The following PDLIM5 variants were observed in gnomAD, a reference collection of about 807,000 sequenced individuals.
PDLIM5 encodes the protein PDZ and LIM domain protein 5.
PDLIM5 carries 34 observed loss-of-function variants against 64.2 expected under a neutral mutation model. That is an observed-to-expected ratio of 0.53 (90% CI 0.40 to 0.71). PDLIM5 has a LOEUF of 0.71. PDLIM5 is among the 30% of genes least tolerant of loss of function. The pLI is 0.00. For synonymous variants in PDLIM5, 253 were observed against 269.1 expected, an observed-to-expected ratio of 0.94 and a Z score of 0.59; for missense variants, 683 against 733.6, an observed-to-expected ratio of 0.93 and a Z score of 0.80.
At chr4:94,555,748 ATAGG>A (rs1733242731) in intron 3 of PDLIM5, among the ~76,000 whole-genome samples, 1 of 152,042 alleles carries the variant, frequency 6.6e-6, no homozygotes, top group Non-Finnish European at 1.5e-5. Context: ...ACTACAAGGT[ATAGG>A]TATAGGGTAA....
chr4:94,525,438 T>TAA (rs34875545), intron 3 of PDLIM5, among the ~76,000 whole-genome samples: 3 of 150,812 alleles, frequency 2.0e-5, no homozygotes, highest in East Asian at 1.9e-4. Flanking sequence ...AAAAAAATAT[T>TAA]AAAAAAAAAG....
intron 2 of PDLIM5, among the ~76,000 whole-genome samples, chr4:94,499,235 G>A (rs1176738624): frequency 1.3e-5 from 2 of 151,938 alleles, no homozygotes; most frequent in Admixed American, 1.3e-4. Context: ...AATAACCACA[G>A]GTCTTTATTT....
chr4:94,462,217 C>T (rs906162177), intron 2 of PDLIM5, among the ~76,000 whole-genome samples: 3 of 152,200 alleles, frequency 2.0e-5, no homozygotes, highest in African/African-American at 7.2e-5. Flanking sequence ...GATACACGAG[C>T]GTATAGGGGG....
At chr4:94,478,965 T>C (rs150552981) in intron 2 of PDLIM5, among the ~76,000 whole-genome samples, 1 of 141,948 alleles carries the variant, frequency 7.0e-6, no homozygotes, top group African/African-American at 2.6e-5. Context: ...AGTGGCGCTA[T>C]CACAGCTCAT....
chr4:94,523,815 A>G lies in PDLIM5; in HGVS notation c.188A>G (p.His63Arg), dbSNP rs759925665. The part of the protein sequence containing the change: ...IDGINAQGMT[H>R]LEAQNKIKGC... The stretch of plus-strand genomic sequence containing the variant: ...GGAATAAATGCACAAGGAATGACTC[A>G]TCTTGAAGCCCAGAATAAGATTAAG... The change falls in exon 3 of 13, where the codon CAT (histidine) becomes CGT (arginine). Residue 63 changes from histidine (H) to arginine (R), a missense_variant. His to Arg is a conservative substitution (Grantham distance 29). Transcript: ENST00000317968. 1.9e-6 allele frequency: 3 copies of G among 1,612,448 alleles called. No homozygotes were observed. Among genetic ancestry groups the G allele is most frequent in the Non-Finnish European group, 8.5e-7 (1 of 1,178,492 alleles).
chr4:94,512,611 G>A (rs1049895969), intron 2 of PDLIM5, among the ~76,000 whole-genome samples: 1 of 127,816 alleles, frequency 7.8e-6, no homozygotes, highest in Non-Finnish European at 1.5e-5. Context: ...TTTTTTATTG[G>A]ATTATTAGAT....
At chr4:94,561,231 G>C (rs1463600232) in intron 3 of PDLIM5, among the ~76,000 whole-genome samples, 1 of 152,136 alleles carries the variant, frequency 6.6e-6, no homozygotes, top group Non-Finnish European at 1.5e-5. Flanking sequence ...GTGTGATAGT[G>C]GTATTATTCA....
At chr4:94,590,762 A>G (rs1736614982) in intron 7 of PDLIM5, among the ~76,000 whole-genome samples, 1 of 152,164 alleles carries the variant, frequency 6.6e-6, no homozygotes, top group South Asian at 2.1e-4. Context: ...TAGGCAGGGA[A>G]GTGTGCTAGA....
intron 5 of PDLIM5, among the ~76,000 whole-genome samples, chr4:94,578,279 T>C (rs1394055785): frequency 1.3e-5 from 2 of 152,210 alleles, no homozygotes; most frequent in African/African-American, 4.8e-5. Context: ...AAGCTTATTA[T>C]TTTTAAACTG....
intron 5 of PDLIM5, chr4:94,582,751 T>C (rs5013417): frequency 0.42 from 619,084 of 1,472,006 alleles, 138,978 homozygotes; most frequent in South Asian, 0.66. Flanking sequence ...TAACCAATGA[T>C]TCACTTTGTA....
At chr4:94,482,057 A>T (rs181070627) in intron 2 of PDLIM5, among the ~76,000 whole-genome samples, 7 of 151,780 alleles carry the variant, frequency 4.6e-5, no homozygotes, top group Non-Finnish European at 1.0e-4. Flanking sequence ...TACTTCCTTA[A>T]TAGGGTACTT....
chr4:94,567,448 G>C (rs141065533), intron 3 of PDLIM5, among the ~76,000 whole-genome samples: 1,527 of 151,720 alleles, frequency 0.01, 29 homozygotes, highest in African/African-American at 0.034. Flanking sequence ...TCAAGTAGAA[G>C]TAATTACTTA....
chr4:94,505,652 A>C lies in PDLIM5; in HGVS notation c.97-18072A>C, dbSNP rs868587972. Among the ~76,000 whole-genome samples the C allele has an allele frequency of 2.6e-5, 4 of 152,330 alleles. No individual in the cohort carries two copies. The South Asian group carries it at 8.3e-4, about 32-fold the overall frequency. ...TTCAATTAATTTTCTAGAGATGCTC[A>C]CAAAACTCAGGGAAACACTTTACTT... is the stretch of plus-strand genomic sequence containing the variant. On this transcript the variant is annotated intron_variant, in intron 2 of 12. Coordinates refer to ENST00000317968, the MANE Select transcript of PDLIM5 (RefSeq NM_006457.5).
Position 94,575,830 on chromosome 4 carries a change from T to C in PDLIM5, c.506T>C (p.Val169Ala), listed in dbSNP as rs1560714329. 7 of 1,614,056 alleles carry C rather than the reference T, an allele frequency of 4.3e-6. No individual in the cohort carries two copies. The highest frequency in any genetic ancestry group is 1.7e-5 in the Admixed American group (1 of 59,998). Reference sequence around the variant, plus strand: ...GCTTCCCCTTCACCCGTGGCTGCCGTCACTCCTCCCCTGTTCGCTGCATCT... The same window carrying C: ...GCTTCCCCTTCACCCGTGGCTGCCGCCACTCCTCCCCTGTTCGCTGCATCT... ...SHASPSPVAAVTPPLFAASGL... is the reference protein window; with the variant it reads ...SHASPSPVAAATPPLFAASGL... The change falls in exon 5 of 13, where the codon GTC (valine) becomes GCC (alanine). Residue 169 changes from valine (V) to alanine (A), a missense_variant. Transcript: ENST00000317968.
At chr4:94,560,979 G>A (rs900764096) in intron 3 of PDLIM5, among the ~76,000 whole-genome samples, 1 of 151,888 alleles carries the variant, frequency 6.6e-6, no homozygotes, top group Admixed American at 6.6e-5. Context: ...CGCCCGCCTC[G>A]GCCTCCCAAA....
chr4:94,505,958 G>C (rs1728356710), intron 2 of PDLIM5, among the ~76,000 whole-genome samples: 1 of 152,186 alleles, frequency 6.6e-6, no homozygotes, highest in Non-Finnish European at 1.5e-5. Context: ...CCTAGAGGTT[G>C]GAGGTGGGGC....
intron 3 of PDLIM5, among the ~76,000 whole-genome samples, chr4:94,570,662 T>C (rs1157312431): frequency 6.6e-6 from 1 of 152,202 alleles, no homozygotes; most frequent in Non-Finnish European, 1.5e-5. Flanking sequence ...AAAGACATCC[T>C]TCTGCACTCT....
chr4:94,665,636 C>G lies in PDLIM5; in HGVS notation c.*1569C>G. 1 of 1,018,514 alleles carries G rather than the reference C, an allele frequency of 9.8e-7. No homozygotes were observed. The highest frequency in any genetic ancestry group is 4.6e-5 in the South Asian group (1 of 21,850). The allele number at this position is 1,018,514 out of a possible 1,614,324, so 63.1% of individuals were successfully genotyped here. A position where few individuals can be genotyped will look rare whatever the true frequency, so the allele number is the denominator to read the frequency against. ...TTAAATCAGTTTCTGAGTTATGCCA[C>G]TGGCTGATGAAGAGTTGAGAGGTCT... On this transcript the variant is annotated 3_prime_UTR_variant, in exon 13 of 13. Transcript: ENST00000317968.
chr4:94,491,576 A>G (rs935071448), intron 2 of PDLIM5, among the ~76,000 whole-genome samples: 2 of 152,028 alleles, frequency 1.3e-5, no homozygotes, highest in African/African-American at 4.8e-5. Context: ...CACAGCCTTT[A>G]CAACTGAGAA....
Sources: allele counts gnomAD v4.1 joint callset (sites outside exome capture counted in the v4.1 genomes callset), GRCh38; gene constraint gnomAD v4.1.1; transcripts MANE v1.5; gene names NCBI Gene and HGNC (gene_info 2026-07-23, HGNC 2026-07-21).